The following ADGRL3 variants were observed in gnomAD, a reference collection of about 807,000 sequenced individuals.
ADGRL3 encodes the protein adhesion G protein-coupled receptor L3.
In ADGRL3, 62 loss-of-function variants were observed where a neutral mutation model predicts 153.5. The observed-to-expected ratio is 0.40, with a 90% CI of 0.33 to 0.50. The LOEUF is 0.50. Ranked by LOEUF, ADGRL3 falls within the 20% of genes least tolerant of loss-of-function variation. The pLI, the probability that ADGRL3 is intolerant of heterozygous loss-of-function variation, is 0.47. For missense variants in ADGRL3, 1,641 were observed against 1,859.4 expected, an observed-to-expected ratio of 0.88 and a Z score of 2.16; for synonymous variants, 710 against 672.5, an observed-to-expected ratio of 1.06 and a Z score of -0.86.
chr4:61,248,936 C>T (rs1758127342), intron 1 of ADGRL3, among the ~76,000 whole-genome samples: 2 of 152,172 alleles, frequency 1.3e-5, no homozygotes. Context: ...TGGTTGTATT[C>T]TACGTGCACA....
At chr4:61,410,678 C>T (rs1477311729) in intron 2 of ADGRL3, among the ~76,000 whole-genome samples, 2 of 152,278 alleles carry the variant, frequency 1.3e-5, no homozygotes, top group African/African-American at 4.8e-5. Context: ...AACTTCTGTG[C>T]CTGGACATAC....
chr4:61,976,012 G>A (rs999761665), intron 17 of ADGRL3, among the ~76,000 whole-genome samples: 1 of 152,114 alleles, frequency 6.6e-6, no homozygotes, highest in East Asian at 1.9e-4. Flanking sequence ...TGACATGAGA[G>A]GGTCCAGCTC....
intron 4 of ADGRL3, among the ~76,000 whole-genome samples, chr4:61,562,748 A>G (rs2098800372): frequency 6.6e-6 from 1 of 152,034 alleles, no homozygotes; most frequent in African/African-American, 2.4e-5. Context: ...ACCCCTCAAA[A>G]TCACCCATGA....
chr4:61,802,626 A>C (rs2097511564), intron 8 of ADGRL3, among the ~76,000 whole-genome samples: 1 of 152,124 alleles, frequency 6.6e-6, no homozygotes, highest in African/African-American at 2.4e-5. Flanking sequence ...AAACCCTCTG[A>C]ATGGCCAGAC....
intron 2 of ADGRL3, among the ~76,000 whole-genome samples, chr4:61,431,694 G>A (rs1560621143): frequency 6.6e-6 from 1 of 152,158 alleles, no homozygotes; most frequent in Admixed American, 6.6e-5. Context: ...TTAAGAGGCG[G>A]ACTAGTATTA....
At chr4:61,569,349 T>C (rs754437558) in intron 4 of ADGRL3, among the ~76,000 whole-genome samples, 1 of 152,208 alleles carries the variant, frequency 6.6e-6, no homozygotes, top group Non-Finnish European at 1.5e-5. Flanking sequence ...TACAGTTGTA[T>C]GACCATCTTC....
At chr4:61,975,164 A>T (rs1276022016) in intron 17 of ADGRL3, among the ~76,000 whole-genome samples, 1 of 152,190 alleles carries the variant, frequency 6.6e-6, no homozygotes, top group Non-Finnish European at 1.5e-5. Flanking sequence ...TAGTTTAAGT[A>T]AGTGATAAGG....
chr4:61,225,626 T>C (rs554424932), intron 1 of ADGRL3, among the ~76,000 whole-genome samples: 3 of 152,316 alleles, frequency 2.0e-5, no homozygotes, highest in Admixed American at 1.3e-4. Flanking sequence ...CACTTTGTTA[T>C]TCACTTTAGC....
At chr4:61,329,920 A>G (rs2095538279) in intron 1 of ADGRL3, among the ~76,000 whole-genome samples, 2 of 152,172 alleles carry the variant, frequency 1.3e-5, no homozygotes, top group Non-Finnish European at 2.9e-5. Flanking sequence ...AGGTTAGTCC[A>G]TGAAATTGGG....
intron 2 of ADGRL3, among the ~76,000 whole-genome samples, chr4:61,422,202 T>G (rs79750624): frequency 0.032 from 4,941 of 152,230 alleles, 257 homozygotes; most frequent in East Asian, 0.22. Flanking sequence ...TCTTGAGAAT[T>G]TTTCATTAAA....
intron 5 of ADGRL3, among the ~76,000 whole-genome samples, chr4:61,629,494 G>A (rs1030601380): frequency 2.6e-5 from 4 of 151,426 alleles, no homozygotes; most frequent in Admixed American, 6.6e-5. Flanking sequence ...CGAGGTGGGC[G>A]GGTCACGAGG....
intron 1 of ADGRL3, among the ~76,000 whole-genome samples, chr4:61,214,035 A>G (rs942237349): frequency 6.6e-6 from 1 of 152,196 alleles, no homozygotes; most frequent in African/African-American, 2.4e-5. Context: ...TGTATTGTTC[A>G]TAGCTACTAA....
At chr4:61,903,417 A>C (rs2098675911) in intron 11 of ADGRL3, among the ~76,000 whole-genome samples, 1 of 152,110 alleles carries the variant, frequency 6.6e-6, no homozygotes, top group African/African-American at 2.4e-5. Flanking sequence ...TCCCAAGCCC[A>C]TGAGGGCAAG....
intron 8 of ADGRL3, among the ~76,000 whole-genome samples, chr4:61,801,930 A>T (rs916737436): frequency 6.6e-6 from 1 of 152,144 alleles, no homozygotes; most frequent in Non-Finnish European, 1.5e-5. Context: ...TCTCACTAGC[A>T]TGTGAAGTGA....
At chr4:61,908,020 T>G (rs986390888) in intron 11 of ADGRL3, among the ~76,000 whole-genome samples, 2 of 152,226 alleles carry the variant, frequency 1.3e-5, no homozygotes, top group South Asian at 2.1e-4. Flanking sequence ...ATCAAATGAT[T>G]AACAAACTCC....
At chr4:61,214,008 T>A (rs1741424190) in intron 1 of ADGRL3, among the ~76,000 whole-genome samples, 1 of 152,210 alleles carries the variant, frequency 6.6e-6, no homozygotes, top group Non-Finnish European at 1.5e-5. Context: ...TTCTTAAGAA[T>A]TGTTAACTCT....
rs1046328012 is a variant in ADGRL3, at chr4:61,971,551, C to A, written c.2806-8012C>A. Among the ~76,000 whole-genome samples, 6 of 152,060 alleles carry A rather than the reference C, an allele frequency of 3.9e-5. No homozygotes were observed. The East Asian group carries it at 7.7e-4, about 20-fold the overall frequency. Reference sequence around the variant, plus strand: ...ATGTGCCACATTTTCTTAATCCAGTCTATCATTGTTGGACATTTGGGTTGG... The same window carrying A: ...ATGTGCCACATTTTCTTAATCCAGTATATCATTGTTGGACATTTGGGTTGG... On this transcript the variant is annotated intron_variant, in intron 17 of 26. Coordinates refer to ENST00000683033, the MANE Select transcript of ADGRL3 (RefSeq NM_001387552.1).
intron 2 of ADGRL3, among the ~76,000 whole-genome samples, chr4:61,407,907 T>G (rs139544118): frequency 6.6e-6 from 1 of 152,088 alleles, no homozygotes; most frequent in African/African-American, 2.4e-5. Flanking sequence ...GAACTCAAAA[T>G]TATAAATTGG....
chr4:61,337,332 G>A (rs1018002773), intron 1 of ADGRL3, among the ~76,000 whole-genome samples: 17 of 152,160 alleles, frequency 1.1e-4, no homozygotes, highest in African/African-American at 4.1e-4. Flanking sequence ...CAGCAGACAA[G>A]TGACAGTTAC....
Sources: gnomAD v4.1 joint callset for allele counts (sites outside exome capture counted in the v4.1 genomes callset) on GRCh38, gnomAD v4.1.1 for gene constraint, MANE v1.5 for transcripts, NCBI Gene and HGNC (gene_info 2026-07-23, HGNC 2026-07-21) for gene names.